Variants in PROS1 observed in about 807,000 individuals in gnomAD.
The protein encoded by PROS1 is protein S.
PROS1 carries 29 observed loss-of-function variants against 75.9 expected under a neutral mutation model. That is an observed-to-expected ratio of 0.38 (90% confidence interval 0.28 to 0.52). The LOEUF is 0.52. Ranked by LOEUF, PROS1 falls within the 20% of genes least tolerant of loss-of-function variation. The pLI is 0.83. For missense variants in PROS1, 680 were observed against 810.3 expected (o/e 0.84, Z 1.95); for synonymous variants, 245 against 280.6 (o/e 0.87, Z 1.27).
intron 3 of PROS1, among the ~76,000 whole-genome samples, chr3:93,915,308 A>G (rs1322058227): frequency 6.6e-6 from 1 of 152,108 alleles, no homozygotes; most frequent in Non-Finnish European, 1.5e-5. Context: ...TCTACTAAAA[A>G]TACAAAAATT....
At chr3:93,938,546 A>G (rs572967080) in intron 1 of PROS1, among the ~76,000 whole-genome samples, 19 of 152,212 alleles carry the variant, frequency 1.2e-4, no homozygotes, top group Non-Finnish European at 2.4e-4. Flanking sequence ...AGGTCCTCAG[A>G]CCAACCAGCC....
chr3:93,894,520 G>T (rs1708473807), intron 9 of PROS1, among the ~76,000 whole-genome samples: 1 of 152,128 alleles, frequency 6.6e-6, no homozygotes, highest in South Asian at 2.1e-4. Context: ...CTATTATGGA[G>T]ATAATTTCCT....
intron 4 of PROS1, among the ~76,000 whole-genome samples, chr3:93,910,363 G>T (rs553126174): frequency 6.6e-6 from 1 of 152,288 alleles, no homozygotes; most frequent in East Asian, 1.9e-4. Context: ...TAAAAATTCT[G>T]AAGCTGATAA....
At chr3:93,875,176 C>T (rs1450183247) in intron 14 of PROS1, among the ~76,000 whole-genome samples, 2 of 152,062 alleles carry the variant, frequency 1.3e-5, no homozygotes, top group Non-Finnish European at 2.9e-5. Context: ...TTGGGCTAAA[C>T]ATCATAGATT....
At chr3:93,957,010 A>AAT (rs557352098) in intron 1 of PROS1, among the ~76,000 whole-genome samples, 9 of 152,084 alleles carry the variant, frequency 5.9e-5, no homozygotes, top group Middle Eastern at 3.4e-3. Flanking sequence ...AATAAACATG[A>AAT]ATATATATAT....
In PROS1 at chr3:93,891,782, C is replaced by T. The variant is rs148975462; in HGVS notation, c.1155+1151G>A. Among the ~76,000 whole-genome samples, 320 of 152,044 alleles carry T rather than the reference C, an allele frequency of 2.1e-3. 3 individuals are homozygous for T. Among genetic ancestry groups the T allele is most frequent in the African/African-American group, 7.3e-3 (301 of 41,474 alleles). ...TTGCACAAAAACTGACAACTAGGTC[C>T]GGTACAATGGCTCATGCCTGTAATC... On this transcript the variant is annotated intron_variant, in intron 10 of 14. Transcript: ENST00000394236.
At chr3:93,911,439 A>C (rs1355698231) in intron 3 of PROS1, among the ~76,000 whole-genome samples, 1 of 152,194 alleles carries the variant, frequency 6.6e-6, no homozygotes, top group African/African-American at 2.4e-5. Flanking sequence ...GCTTACTATA[A>C]AAAAGATGGT....
At chr3:93,921,979 A>G (rs1473388447) in intron 3 of PROS1, among the ~76,000 whole-genome samples, 1 of 152,226 alleles carries the variant, frequency 6.6e-6, no homozygotes, top group African/African-American at 2.4e-5. Context: ...TGGAAAGTTC[A>G]TGTCATTTTT....
intron 8 of PROS1, among the ~76,000 whole-genome samples, chr3:93,898,235 C>T (rs1217417737): frequency 1.3e-5 from 2 of 151,952 alleles, no homozygotes; most frequent in Admixed American, 1.3e-4. Context: ...TGTGACTCTA[C>T]CCTCTTTTTT....
chr3:93,922,443 A>G (rs1168438175), intron 3 of PROS1, among the ~76,000 whole-genome samples: 1 of 152,196 alleles, frequency 6.6e-6, no homozygotes. Context: ...GAAGAACACA[A>G]TTTAAAAACT....
chr3:93,918,429 TTGC>T (rs1409146689), intron 3 of PROS1, among the ~76,000 whole-genome samples: 2 of 152,074 alleles, frequency 1.3e-5, no homozygotes, highest in Non-Finnish European at 2.9e-5. Flanking sequence ...GCAATAAATC[TTGC>T]TGCTGCTCAC....
rs1708665456 is a variant in PROS1, at chr3:93,905,762, A to G, written c.601+22T>C. ...TATTCTCACATAGTAAATGTGTTTTAATTCTACCATCCTGCTCTTACCTTT... is the reference window on the plus strand; with the variant it reads ...TATTCTCACATAGTAAATGTGTTTTGATTCTACCATCCTGCTCTTACCTTT... On this transcript the variant is annotated intron_variant, in intron 6 of 14. Transcript: ENST00000394236. 20 of 1,607,760 alleles carry G rather than the reference A, an allele frequency of 1.2e-5. No homozygotes were observed. The East Asian group carries it at 4.5e-4, about 36-fold the overall frequency.
intron 1 of PROS1, among the ~76,000 whole-genome samples, chr3:93,967,130 G>A (rs1709803867): frequency 6.6e-6 from 1 of 152,096 alleles, no homozygotes; most frequent in Admixed American, 6.6e-5. Flanking sequence ...CCTTCACTAA[G>A]GCCCACCCAG....
intron 1 of PROS1, among the ~76,000 whole-genome samples, chr3:93,935,684 T>G (rs1034621457): frequency 6.6e-6 from 1 of 152,164 alleles, no homozygotes; most frequent in African/African-American, 2.4e-5. Flanking sequence ...TATAATTTAT[T>G]TTTTAAAGTG....
At chr3:93,937,611 C>T (rs954953291) in intron 1 of PROS1, among the ~76,000 whole-genome samples, 3 of 152,058 alleles carry the variant, frequency 2.0e-5, no homozygotes, top group Non-Finnish European at 4.4e-5. Flanking sequence ...TCGTGATCCG[C>T]CCACCTCAGC....
intron 12 of PROS1, among the ~76,000 whole-genome samples, chr3:93,883,960 C>G (rs1281254288): frequency 6.6e-6 from 1 of 152,072 alleles, no homozygotes; most frequent in African/African-American, 2.4e-5. Flanking sequence ...AAAAACAAAA[C>G]AAAACAAAAT....
intron 1 of PROS1, among the ~76,000 whole-genome samples, chr3:93,962,913 A>G (rs1219448446): frequency 6.6e-6 from 1 of 152,220 alleles, no homozygotes; most frequent in African/African-American, 2.4e-5. Flanking sequence ...TTCTACTATG[A>G]TCTATTTACC....
At chr3:93,970,033 C>T (rs1709853090) in intron 1 of PROS1, among the ~76,000 whole-genome samples, 1 of 152,154 alleles carries the variant, frequency 6.6e-6, no homozygotes, top group African/African-American at 2.4e-5. Flanking sequence ...AGCACAAACT[C>T]CAACTGTAAC....
intron 6 of PROS1, among the ~76,000 whole-genome samples, chr3:93,904,952 T>G (rs1708651484): frequency 6.6e-6 from 1 of 152,060 alleles, no homozygotes; most frequent in Admixed American, 6.5e-5. Context: ...AATGATATGA[T>G]CTTAAAGGTA....
Sources: allele counts gnomAD v4.1 joint callset (sites outside exome capture counted in the v4.1 genomes callset), GRCh38; gene constraint gnomAD v4.1.1; transcripts MANE v1.5; gene names NCBI Gene and HGNC (gene_info 2026-07-23, HGNC 2026-07-21).